Variants in KCNH5 observed in about 807,000 individuals in gnomAD.
The protein encoded by KCNH5 is potassium voltage-gated channel subfamily H member 5, also known as voltage-gated delayed rectifier potassium channel KCNH5.
KCNH5 carries 46 observed loss-of-function variants against 96.1 expected under a neutral mutation model. The ratio of observed to expected loss-of-function variants is 0.48; its 90% CI spans 0.38 to 0.61. KCNH5 has a LOEUF of 0.61. KCNH5 is among the 20% of genes least tolerant of loss of function. KCNH5 has a pLI of 0.00. For synonymous variants in KCNH5, 439 were observed against 449.8 expected (o/e 0.98, Z 0.30); for missense variants, 907 against 1,225.8 (o/e 0.74, Z 3.88).
rs191889715 is a variant in KCNH5 at position 62,719,934 on chromosome 14, G to A, written c.2020-11479C>T. ...CGGATATGTGTTAAACATCTACCAT[G>A]TTCCAAGCTCTGTTTTGGAGTTAGG... On this transcript the variant is annotated intron_variant, in intron 10 of 10. Transcript: ENST00000322893. 5.0e-3 allele frequency among the ~76,000 whole-genome samples: 764 copies of A among 152,318 alleles called. 10 individuals carry two copies. Among genetic ancestry groups the A allele is most frequent in the African/African-American group, 0.018 (739 of 41,558 alleles).
At chr14:62,717,577 A>G (rs1884711852) in intron 10 of KCNH5, among the ~76,000 whole-genome samples, 1 of 152,218 alleles carries the variant, frequency 6.6e-6, no homozygotes, top group South Asian at 2.1e-4. Flanking sequence ...TACTGAAACA[A>G]CTGCATATAC....
At chr14:62,739,850 T>C (rs1177975805) in intron 10 of KCNH5, among the ~76,000 whole-genome samples, 1 of 152,142 alleles carries the variant, frequency 6.6e-6, no homozygotes, top group Non-Finnish European at 1.5e-5. Flanking sequence ...AGGATGCCAG[T>C]AGAACATTAT....
chr14:62,891,154 C>T (rs1037915135), intron 7 of KCNH5, among the ~76,000 whole-genome samples: 4 of 152,150 alleles, frequency 2.6e-5, no homozygotes, highest in Non-Finnish European at 4.4e-5. Context: ...TGGAATCAAC[C>T]TAAATGCCCA....
At position 62,709,232 on chromosome 14, in the gene KCNH5, C is replaced by CAAAAAAAAAAAAAAAA. The variant is rs67304113; in HGVS notation, c.2020-793_2020-778dup. On this transcript the variant is annotated intron_variant, in intron 10 of 10. Coordinates refer to ENST00000322893, the MANE Select transcript of KCNH5 (RefSeq NM_139318.5). ...TGGGCGACAGAACGAGACTCCTTCT[C>CAAAAAAAAAAAAAAAA]AAAAAAAAAAAAAAAAAAAAAAAAA... Among the ~76,000 whole-genome samples, 22 of 71,570 alleles carry CAAAAAAAAAAAAAAAA rather than the reference C, an allele frequency of 3.1e-4. No homozygotes were observed. The East Asian group carries it at 4.9e-3, about 16-fold the overall frequency. 47.0% of individuals were successfully genotyped at this position (71,570 alleles called of 152,430 possible).
intron 7 of KCNH5, among the ~76,000 whole-genome samples, chr14:62,898,220 A>G (rs1251115676): frequency 6.6e-6 from 1 of 152,218 alleles, no homozygotes; most frequent in Non-Finnish European, 1.5e-5. Context: ...TATGATGTCT[A>G]ATTTCTGGAG....
intron 9 of KCNH5, among the ~76,000 whole-genome samples, chr14:62,784,789 T>A (rs1471372916): frequency 2.0e-5 from 3 of 152,190 alleles, no homozygotes; most frequent in Non-Finnish European, 4.4e-5. Flanking sequence ...AAATTAAAAA[T>A]TCTTACACTA....
At chr14:62,899,813 G>A (rs1310249915) in intron 7 of KCNH5, among the ~76,000 whole-genome samples, 6 of 138,772 alleles carry the variant, frequency 4.3e-5, no homozygotes, top group Admixed American at 7.2e-5. Flanking sequence ...CAGCCTGGGC[G>A]ACAGAGCGAG....
At position 62,842,154 on chromosome 14, in the gene KCNH5, T is replaced by TA. The variant is rs531767998; in HGVS notation, c.1569+7498dup. ...ATAATTATATTAGCTGACAATAATG[T>TA]AAAGCTTGCAATGGAACCCTCTTAA... On this transcript the variant is annotated intron_variant, in intron 8 of 10. Coordinates refer to ENST00000322893, the MANE Select transcript of KCNH5 (RefSeq NM_139318.5). 4.7e-3 allele frequency among the ~76,000 whole-genome samples: 709 copies of TA among 152,320 alleles called. 4 individuals carry two copies. The highest frequency in any genetic ancestry group is 8.5e-3 in the Non-Finnish European group (576 of 68,034).
intron 7 of KCNH5, among the ~76,000 whole-genome samples, chr14:62,908,408 C>T (rs1889072202): frequency 6.6e-6 from 1 of 152,164 alleles, no homozygotes; most frequent in African/African-American, 2.4e-5. Flanking sequence ...CAAAAAGAGC[C>T]TCCCTGGCCA....
At chr14:62,719,801 A>C (rs12885827) in intron 10 of KCNH5, among the ~76,000 whole-genome samples, 71,303 of 152,046 alleles carry the variant, frequency 0.47, 16,990 homozygotes, top group Non-Finnish European at 0.5. Context: ...GTTCATCCAC[A>C]AGGACTCAAA....
chr14:63,043,667 G>T (rs745919556), intron 1 of KCNH5, among the ~76,000 whole-genome samples: 1 of 152,098 alleles, frequency 6.6e-6, no homozygotes, highest in Non-Finnish European at 1.5e-5. Flanking sequence ...TGGCCAAAAC[G>T]AAGAAATAAA....
chr14:62,835,326 T>C (rs1174320092), intron 8 of KCNH5, among the ~76,000 whole-genome samples: 2 of 151,994 alleles, frequency 1.3e-5, no homozygotes, highest in African/African-American at 4.8e-5. Flanking sequence ...TCATTACAAA[T>C]ACAAACATAA....
At chr14:62,747,572 T>C (rs770700147) in intron 10 of KCNH5, among the ~76,000 whole-genome samples, 1 of 151,878 alleles carries the variant, frequency 6.6e-6, no homozygotes, top group Non-Finnish European at 1.5e-5. Context: ...TAATTCAGGA[T>C]GAGCTTAGAA....
intron 6 of KCNH5, among the ~76,000 whole-genome samples, chr14:62,955,812 A>C (rs1344430563): frequency 6.6e-6 from 1 of 152,126 alleles, no homozygotes; most frequent in Non-Finnish European, 1.5e-5. Context: ...AACATGGATC[A>C]ATTCATTTTG....
At chr14:62,955,137 C>T (rs192986917) in intron 6 of KCNH5, among the ~76,000 whole-genome samples, 59 of 150,200 alleles carry the variant, frequency 3.9e-4, no homozygotes, top group African/African-American at 1.3e-3. Flanking sequence ...GTGAAAGGAA[C>T]TGGAAAAAGG....
chr14:62,781,935 T>C (rs1031847825), intron 9 of KCNH5, among the ~76,000 whole-genome samples: 1 of 152,194 alleles, frequency 6.6e-6, no homozygotes, highest in Admixed American at 6.5e-5. Flanking sequence ...GTCCATGAAA[T>C]CTTTACAACT....
chr14:62,771,062 C>T (rs1885975751), intron 10 of KCNH5, among the ~76,000 whole-genome samples: 1 of 152,170 alleles, frequency 6.6e-6, no homozygotes, highest in Non-Finnish European at 1.5e-5. Context: ...CACACAGGCA[C>T]TGCAGGGATG....
At chr14:62,822,221 C>T (rs1316165974) in intron 8 of KCNH5, among the ~76,000 whole-genome samples, 1 of 152,060 alleles carries the variant, frequency 6.6e-6, no homozygotes, top group Non-Finnish European at 1.5e-5. Flanking sequence ...TACATTTATG[C>T]AACTCTTATA....
At chr14:62,853,249 G>A (rs1887844004) in intron 7 of KCNH5, among the ~76,000 whole-genome samples, 1 of 151,818 alleles carries the variant, frequency 6.6e-6, no homozygotes, top group Admixed American at 6.6e-5. Context: ...AAGAGTGCGT[G>A]TCTTTGGACC....
Sources: gnomAD v4.1 joint callset for allele counts (sites outside exome capture counted in the v4.1 genomes callset) on GRCh38, gnomAD v4.1.1 for gene constraint, MANE v1.5 for transcripts, NCBI Gene and HGNC (gene_info 2026-07-23, HGNC 2026-07-21) for gene names.